MACROD2: variants seen among roughly 807,000 people sequenced by gnomAD.
The protein encoded by MACROD2 is mono-ADP ribosylhydrolase 2.
Under a neutral mutation model 70.4 loss-of-function variants are expected in MACROD2, and 36 were observed. The observed-to-expected ratio is 0.51, with a 90% CI of 0.39 to 0.68. MACROD2 has a LOEUF of 0.68. Ranked by LOEUF, MACROD2 falls within the 30% of genes least tolerant of loss-of-function variation. MACROD2 has a pLI of 0.00. For missense variants in MACROD2, 496 were observed against 538.4 expected, an observed-to-expected ratio of 0.92 and a Z score of 0.78; for synonymous variants, 172 against 178.8, an observed-to-expected ratio of 0.96 and a Z score of 0.30.
intron 5 of MACROD2, among the ~76,000 whole-genome samples, chr20:15,110,994 G>C (rs73096070): frequency 0.22 from 32,751 of 152,046 alleles, 4,815 homozygotes; most frequent in Non-Finnish European, 0.32. Flanking sequence ...CAATTATTCT[G>C]TGAAGTAAGA....
intron 4 of MACROD2, among the ~76,000 whole-genome samples, chr20:14,549,077 C>G (rs1978476052): frequency 6.6e-6 from 1 of 152,192 alleles, no homozygotes; most frequent in Non-Finnish European, 1.5e-5. Flanking sequence ...AGAAGTCATA[C>G]CAACAGCACT....
chr20:15,206,479 A>G (rs186135655), intron 5 of MACROD2, among the ~76,000 whole-genome samples: 254 of 152,244 alleles, frequency 1.7e-3, no homozygotes, highest in South Asian at 0.016. Context: ...AGTTTTGATT[A>G]CGTACATACA....
At chr20:14,696,582 C>T (rs773119747) in intron 5 of MACROD2, among the ~76,000 whole-genome samples, 2 of 152,014 alleles carry the variant, frequency 1.3e-5, no homozygotes, top group Non-Finnish European at 2.9e-5. Context: ...TTTGTGAAAT[C>T]CCTGTAATTT....
chr20:15,468,967 G>A (rs759350070), intron 7 of MACROD2, among the ~76,000 whole-genome samples: 4 of 152,132 alleles, frequency 2.6e-5, no homozygotes, highest in Non-Finnish European at 5.9e-5. Flanking sequence ...TGGAAGGGGG[G>A]ATATTTTTGA....
intron 3 of MACROD2, among the ~76,000 whole-genome samples, chr20:14,298,648 A>G (rs2082448446): frequency 6.6e-6 from 1 of 151,768 alleles, no homozygotes. Flanking sequence ...ATCTGAGCAA[A>G]GTCAATTGAA....
intron 4 of MACROD2, among the ~76,000 whole-genome samples, chr20:14,596,269 T>C (rs1355576041): frequency 1.3e-5 from 2 of 151,620 alleles, no homozygotes; most frequent in Non-Finnish European, 2.9e-5. Context: ...TTTTGTATTT[T>C]TTAGTAGAGA....
chr20:14,975,296 G>T (rs1412784187), intron 5 of MACROD2, among the ~76,000 whole-genome samples: 1 of 152,148 alleles, frequency 6.6e-6, no homozygotes, highest in East Asian at 1.9e-4. Flanking sequence ...GACACTTGGG[G>T]AGTGTGACAG....
chr20:14,515,473 A>ACACGCGCGCGCG (rs1555798360), intron 4 of MACROD2, among the ~76,000 whole-genome samples: 1 of 67,548 alleles, frequency 1.5e-5, no homozygotes, highest in African/African-American at 7.0e-5. Flanking sequence ...ACGCACACAC[A>ACACGCGCGCGCG]CACACACACA....
intron 4 of MACROD2, among the ~76,000 whole-genome samples, chr20:14,512,395 G>T (rs1317617821): frequency 6.6e-6 from 1 of 152,112 alleles, no homozygotes; most frequent in Non-Finnish European, 1.5e-5. Context: ...AGGCTTGGGG[G>T]TGGAAGATGG....
At chr20:14,577,165 C>G (rs1164185461) in intron 4 of MACROD2, among the ~76,000 whole-genome samples, 1 of 152,060 alleles carries the variant, frequency 6.6e-6, no homozygotes, top group Non-Finnish European at 1.5e-5. Flanking sequence ...AAATCTAAGG[C>G]CACTGGATGG....
rs117115086 is a variant in MACROD2 at position 14,783,711 on chromosome 20, G to A, written c.418+98752G>A. ...GGGAGGTAACTCCAAGTAGGAGAGA[G>A]GAAAAGTGAAATAAGGAAGAAAAGC... On this transcript the variant is annotated intron_variant, in intron 5 of 17. Transcript: ENST00000684519. Among the ~76,000 whole-genome samples the A allele has an allele frequency of 2.1e-4, 32 of 152,112 alleles. No homozygotes were observed. In the East Asian group the frequency reaches 3.9e-3, roughly 18 times the overall value.
intron 5 of MACROD2, among the ~76,000 whole-genome samples, chr20:15,184,347 C>G (rs1033529012): frequency 2.0e-5 from 3 of 152,024 alleles, no homozygotes; most frequent in African/African-American, 7.2e-5. Flanking sequence ...CCTGCTCTGT[C>G]CACTGCCCCC....
At chr20:15,130,616 G>A (rs2076098181) in intron 5 of MACROD2, among the ~76,000 whole-genome samples, 1 of 151,986 alleles carries the variant, frequency 6.6e-6, no homozygotes, top group Non-Finnish European at 1.5e-5. Context: ...ATAAAAAACA[G>A]AATGACCAAA....
intron 8 of MACROD2, among the ~76,000 whole-genome samples, chr20:15,811,439 C>G (rs1052403024): frequency 1.3e-5 from 2 of 152,202 alleles, no homozygotes; most frequent in Admixed American, 6.5e-5. Flanking sequence ...CAGGAAACAA[C>G]AGGTGCTGGC....
chr20:14,559,961 CTCTA>C (rs1389882459), intron 4 of MACROD2, among the ~76,000 whole-genome samples: 21 of 151,866 alleles, frequency 1.4e-4, no homozygotes, highest in Non-Finnish European at 1.5e-5. Flanking sequence ...TTTTTCTTTT[CTCTA>C]TCTATTCACA....
At chr20:14,761,466 T>C (rs2072014864) in intron 5 of MACROD2, among the ~76,000 whole-genome samples, 1 of 152,158 alleles carries the variant, frequency 6.6e-6, no homozygotes, top group African/African-American at 2.4e-5. Flanking sequence ...TGCTCCATTT[T>C]TGGTGAACAC....
intron 3 of MACROD2, among the ~76,000 whole-genome samples, chr20:14,411,619 C>T (rs1256244613): frequency 7.2e-5 from 11 of 152,118 alleles, no homozygotes; most frequent in Admixed American, 7.2e-4. Context: ...GTATCACAGT[C>T]ACTAAGTTTT....
intron 8 of MACROD2, among the ~76,000 whole-genome samples, chr20:15,606,147 C>T (rs748577275): frequency 2.0e-5 from 3 of 152,102 alleles, no homozygotes; most frequent in Admixed American, 6.5e-5. Context: ...ATCTATTCTC[C>T]GCCTGTGTGA....
At chr20:15,302,387 C>CACACACACACAGACAT (rs6147301) in intron 6 of MACROD2, among the ~76,000 whole-genome samples, 1 of 150,452 alleles carries the variant, frequency 6.6e-6, no homozygotes, top group Non-Finnish European at 1.5e-5. Context: ...CACACATACA[C>CACACACACACAGACAT]ACATACAGAT....
Sources: allele counts gnomAD v4.1 joint callset (sites outside exome capture counted in the v4.1 genomes callset), GRCh38; gene constraint gnomAD v4.1.1; transcripts MANE v1.5; gene names NCBI Gene and HGNC (gene_info 2026-07-23, HGNC 2026-07-21).